IGF2R: variants seen among roughly 807,000 people sequenced by gnomAD.
The protein encoded by IGF2R is insulin like growth factor 2 receptor.
In IGF2R, 91 loss-of-function variants were observed where a neutral mutation model predicts 270.6. The observed-to-expected ratio is 0.34, with a 90% CI of 0.28 to 0.40. The LOEUF (loss-of-function observed/expected upper bound fraction) is 0.40. IGF2R is among the 10% of genes least tolerant of loss of function. IGF2R has a pLI of 1.00. For missense variants in IGF2R, 2,805 were observed against 3,188.3 expected (o/e 0.88, Z 2.90); for synonymous variants, 1,316 against 1,258.9 (o/e 1.05, Z -0.96).
In IGF2R at chr6:160,024,667, G is replaced by A. The variant is rs777738046; in HGVS notation, c.609G>A (p.Pro203=). The part of the protein sequence containing the change: ...SGAYLVDDSD[P]DTSLFINVCR... ...CCTACTTGGTGGATGACTCCGATCC[G>A]GACACTTCTCTATTCATCAATGTTT... The change falls in exon 5 of 48, where the codon CCG becomes CCA. Residue 203 remains proline, a synonymous_variant. Transcript: ENST00000356956. The A allele has an allele frequency of 2.8e-5, 45 of 1,614,070 alleles. No homozygotes were observed. The highest frequency in any genetic ancestry group is 1.1e-4 in the East Asian group (5 of 44,882).
intron 47 of IGF2R, 75 bp from the exon 48 acceptor site, chr6:160,104,599 C>G (rs1241658123): frequency 1.1e-5 from 17 of 1,486,646 alleles, no homozygotes; most frequent in Non-Finnish European, 1.5e-5. Flanking sequence ...GAGAGCATCC[C>G]TGATGTGGTG....
Position 160,065,814 on chromosome 6 carries a change from G to GTGTGTATATA in IGF2R, c.4115+914_4115+915insGTGTATATAT. 1.3e-3 allele frequency among the ~76,000 whole-genome samples: 104 copies of GTGTGTATATA among 78,352 alleles called. 1 individual carries two copies. Among genetic ancestry groups the GTGTGTATATA allele is most frequent in the South Asian group, 1.6e-3 (3 of 1,912 alleles). The allele number at this position is 78,352 out of a possible 152,430, so 51.4% of individuals were successfully genotyped here. A position where few individuals can be genotyped will look rare whatever the true frequency, so the allele number is the denominator to read the frequency against. ...TGTGTGTGTGTGTGTGTGTGTGTGT[G>GTGTGTATATA]TATATATATATATATATATATATAT... On this transcript the variant is annotated intron_variant, in intron 29 of 47. Coordinates refer to ENST00000356956, the MANE Select transcript of IGF2R (RefSeq NM_000876.4).
chr6:160,050,383 T>G lies in IGF2R; in HGVS notation c.2515-90T>G, dbSNP rs1778166862. On this transcript the variant is annotated intron_variant, in intron 18 of 47. Transcript: ENST00000356956. This position sits in a 1 kb window ranked among gnomAD's most constrained non-coding sequence, Gnocchi z 4.0. ...GTTCTGTATTCAATAATTCATTGTT[T>G]GCTGCAGCTTTATAGAATGTAACCA... 7.1e-6 allele frequency: 9 copies of G among 1,266,854 alleles called. 1 individual carries two copies. Among genetic ancestry groups the G allele is most frequent in the South Asian group, 7.1e-5 (5 of 70,664 alleles). The allele number at this position is 1,266,854 out of a possible 1,614,324, so 78.5% of individuals were successfully genotyped here.
At chr6:160,009,817 G>A (rs1453436814) in intron 3 of IGF2R, among the ~76,000 whole-genome samples, 4 of 152,198 alleles carry the variant, frequency 2.6e-5, no homozygotes, top group Admixed American at 2.0e-4. Context: ...GTCAGGTTGA[G>A]TGAAACTCTG....
intron 14 of IGF2R, 130 bp from the exon 15 acceptor site, chr6:160,046,368 C>T: frequency 1.2e-6 from 1 of 821,370 alleles, no homozygotes; most frequent in Non-Finnish European, 1.9e-6. Flanking sequence ...GTCTCTTCTG[C>T]CTCCTCCACT....
chr6:160,024,228 A>G (rs1290936325), intron 4 of IGF2R, among the ~76,000 whole-genome samples: 2 of 151,274 alleles, frequency 1.3e-5, no homozygotes, highest in Non-Finnish European at 3.0e-5. Context: ...TTGCAGAGAC[A>G]TGAGATGATA....
At chr6:159,987,591 C>A (rs971432150) in intron 1 of IGF2R, among the ~76,000 whole-genome samples, 7 of 152,250 alleles carry the variant, frequency 4.6e-5, no homozygotes, top group African/African-American at 1.2e-4. Flanking sequence ...GGAGTTTCAC[C>A]ATACTGGTCA....
At chr6:159,976,983 G>A (rs1783705133) in intron 1 of IGF2R, among the ~76,000 whole-genome samples, 1 of 152,188 alleles carries the variant, frequency 6.6e-6, no homozygotes, top group Admixed American at 6.5e-5. Context: ...ATTTGTATCT[G>A]GCTGCCGCTG....
At chr6:159,976,851 G>C (rs1783702812) in intron 1 of IGF2R, among the ~76,000 whole-genome samples, 1 of 152,170 alleles carries the variant, frequency 6.6e-6, no homozygotes, top group South Asian at 2.1e-4. Flanking sequence ...CTAACACCTA[G>C]TCAAGTTGGG....
chr6:160,100,606 A>G (rs887651444), intron 45 of IGF2R, among the ~76,000 whole-genome samples: 4 of 152,150 alleles, frequency 2.6e-5, no homozygotes, highest in Admixed American at 6.5e-5. Flanking sequence ...AAGATTTAAT[A>G]GACATGCGCA....
At chr6:160,048,330 G>A (rs1255830569) in intron 17 of IGF2R, 45 bp from the exon 18 acceptor site, 2 of 1,564,786 alleles carry the variant, frequency 1.3e-6, no homozygotes, top group Non-Finnish European at 8.8e-7. Flanking sequence ...AGACTGAAAT[G>A]TGTAAGCTCT....
intron 2 of IGF2R, chr6:160,003,343 A>ATG (rs959094281): frequency 3.3e-5 from 5 of 152,226 alleles, no homozygotes; most frequent in African/African-American, 1.2e-4. Context: ...GATACAACTC[A>ATG]TGTTTTTATC....
intron 17 of IGF2R, 49 bp downstream of exon 17, chr6:160,047,956 G>A (rs779866319): frequency 8.6e-7 from 1 of 1,160,798 alleles, no homozygotes; most frequent in South Asian, 1.2e-5. Flanking sequence ...AGATGCTGAG[G>A]TTGCAAGTGT....
chr6:160,016,886 GT>G (rs763081516), intron 4 of IGF2R, among the ~76,000 whole-genome samples: 1 of 152,194 alleles, frequency 6.6e-6, no homozygotes, highest in Non-Finnish European at 1.5e-5. Flanking sequence ...CAAAGCAAAA[GT>G]AAATTCAAAC....
chr6:160,084,286 C>G lies in IGF2R; in HGVS notation c.6068+102C>G, dbSNP rs904804944. Reference sequence around the variant, plus strand: ...CTTTTGGGTTCTCAAGATGGGAATACTATGCCCATGTGAGGCTGATGGTGG... The same window carrying G: ...CTTTTGGGTTCTCAAGATGGGAATAGTATGCCCATGTGAGGCTGATGGTGG... On this transcript the variant is annotated intron_variant, in intron 40 of 47. Transcript: ENST00000356956. This position sits in a 1 kb window ranked among gnomAD's most constrained non-coding sequence, Gnocchi z 4.6. The G allele has an allele frequency of 1.6e-5, 11 of 702,982 alleles. No individual in the cohort carries two copies. The highest frequency in any genetic ancestry group is 2.5e-5 in the Non-Finnish European group (10 of 398,512). The allele number at this position is 702,982 out of a possible 1,614,324, so 43.5% of individuals were successfully genotyped here.
Position 160,111,005 on chromosome 6 carries a change from G to C in IGF2R, c.*5921G>C, listed in dbSNP as rs946549336. 1 of 152,180 alleles carries C rather than the reference G, an allele frequency of 6.6e-6. No homozygotes were observed. Among genetic ancestry groups the C allele is most frequent in the Admixed American group, 6.5e-5 (1 of 15,280 alleles). 9.4% of individuals were successfully genotyped at this position (152,180 alleles called of 1,614,324 possible). A position where few individuals can be genotyped will look rare whatever the true frequency, so the allele number is the denominator to read the frequency against. ...ATTCTGGAGATCCACTGTGCAGCAT[G>C]GTGACTATGATACTGCTTTGTGTAT... On this transcript the variant is annotated 3_prime_UTR_variant, in exon 48 of 48. Coordinates refer to ENST00000356956, the MANE Select transcript of IGF2R (RefSeq NM_000876.4).
intron 26 of IGF2R, 94 bp downstream of exon 26, chr6:160,062,713 C>T (rs544774149): frequency 3.5e-6 from 3 of 863,330 alleles, no homozygotes; most frequent in African/African-American, 1.7e-5. Flanking sequence ...GTGATAACAG[C>T]CATAGCTGGG....
chr6:160,050,716 G>A lies in IGF2R; in HGVS notation c.2694+64G>A. On this transcript the variant is annotated intron_variant, in intron 19 of 47. Transcript: ENST00000356956. This position sits in a 1 kb window ranked among gnomAD's most constrained non-coding sequence, Gnocchi z 4.0. The stretch of plus-strand genomic sequence containing the variant: ...ATTTTTTGACTGAGCGTTGCCTTAT[G>A]TGTCTCTTAACAGCAGCAGTCTTGG... 2 of 1,444,192 alleles carry A rather than the reference G, an allele frequency of 1.4e-6. No individual in the cohort carries two copies. The highest frequency in any genetic ancestry group is 4.9e-5 in the East Asian group (2 of 41,218). The allele number at this position is 1,444,192 out of a possible 1,614,324, so 89.5% of individuals were successfully genotyped here.
chr6:160,103,153 G>A (rs528400728), intron 46 of IGF2R, among the ~76,000 whole-genome samples: 1 of 152,166 alleles, frequency 6.6e-6, no homozygotes, highest in East Asian at 1.9e-4. Flanking sequence ...GCTCTGACCT[G>A]GGGGCAGGAG....
Sources: gnomAD v4.1 joint callset for allele counts (sites outside exome capture counted in the v4.1 genomes callset) on GRCh38, gnomAD v4.1.1 for gene constraint, Gnocchi (gnomAD v3.1) non-coding constraint, MANE v1.5 for transcripts, NCBI Gene and HGNC (gene_info 2026-07-23, HGNC 2026-07-21) for gene names.